Variants in RPS6KA5 observed in about 807,000 individuals in gnomAD.
RPS6KA5 encodes ribosomal protein S6 kinase alpha-5.
In RPS6KA5, 27 loss-of-function variants were observed where a neutral mutation model predicts 85.5. That is an observed-to-expected ratio of 0.32 (90% CI 0.23 to 0.44). RPS6KA5 has a LOEUF of 0.44. RPS6KA5 is among the 20% of genes least tolerant of loss of function. The pLI, the probability that RPS6KA5 is intolerant of heterozygous loss-of-function variation, is 1.00. For missense variants in RPS6KA5, 811 were observed against 980.9 expected, an observed-to-expected ratio of 0.83 and a Z score of 2.31; for synonymous variants, 334 against 348.2, an observed-to-expected ratio of 0.96 and a Z score of 0.46.
At position 90,853,451 on chromosome 14, in the gene RPS6KA5, A is replaced by G. The variant is rs2032109352; in HGVS notation, c.*18623T>C. 1 of 152,074 alleles carries G rather than the reference A, an allele frequency of 6.6e-6. No individual in the cohort carries two copies. The highest frequency in any genetic ancestry group is 1.5e-5 in the Non-Finnish European group (1 of 68,012). The allele number at this position is 152,074 out of a possible 1,614,324, so 9.4% of individuals were successfully genotyped here. ...TGATGTCTAGATAAAAGTCAACCAA[A>G]TAAATAAGATGCATCCCTTAAGTAA... On this transcript the variant is annotated 3_prime_UTR_variant, in exon 17 of 17. Coordinates refer to ENST00000614987, the MANE Select transcript of RPS6KA5 (RefSeq NM_004755.4).
chr14:91,020,084 AG>A (rs1231073019), intron 1 of RPS6KA5, among the ~76,000 whole-genome samples: 15 of 152,224 alleles, frequency 9.9e-5, no homozygotes, highest in Non-Finnish European at 1.6e-4. Flanking sequence ...AACATAGAAA[AG>A]TTACAGTAAC....
At chr14:90,927,006 G>C (rs1023498514) in intron 5 of RPS6KA5, among the ~76,000 whole-genome samples, 1 of 152,010 alleles carries the variant, frequency 6.6e-6, no homozygotes, top group Admixed American at 6.6e-5. Flanking sequence ...TAGCAGGTAG[G>C]ACTAAAATAC....
intron 1 of RPS6KA5, among the ~76,000 whole-genome samples, chr14:91,046,591 C>A (rs1357257461): frequency 6.6e-6 from 1 of 152,100 alleles, no homozygotes; most frequent in Non-Finnish European, 1.5e-5. Context: ...AATCTCACTT[C>A]AGATTATTAT....
chr14:91,001,274 G>T (rs1222908264), intron 1 of RPS6KA5, 115 bp from the exon 2 acceptor site: 10 of 632,418 alleles, frequency 1.6e-5, no homozygotes, highest in East Asian at 2.7e-5. Context: ...ATTAACCAGG[G>T]TTTGCTTTAT....
intron 9 of RPS6KA5, among the ~76,000 whole-genome samples, 155 bp from the exon 10 acceptor site, chr14:90,900,891 T>G (rs2035130341): frequency 6.6e-6 from 1 of 152,190 alleles, no homozygotes; most frequent in South Asian, 2.1e-4. Flanking sequence ...AAATGCAAGG[T>G]TATTTCAAAT....
rs202188158 is a variant in RPS6KA5, at chr14:90,902,195, A to AT, written c.1119+612dup. Among the ~76,000 whole-genome samples, 643 of 150,262 alleles carry AT rather than the reference A, an allele frequency of 4.3e-3. 5 individuals carry two copies. Among genetic ancestry groups the AT allele is most frequent in the African/African-American group, 0.015 (607 of 40,824 alleles). On this transcript the variant is annotated intron_variant, in intron 9 of 16. Coordinates refer to ENST00000614987, the MANE Select transcript of RPS6KA5 (RefSeq NM_004755.4). ...AGACCTTGTTTCTTAAAAAAAAAAA[A>AT]TTTTTTTGGCTGGACGTGGTGGCTC...
At chr14:91,056,582 C>CAATG (rs1443632036) in intron 1 of RPS6KA5, among the ~76,000 whole-genome samples, 2 of 152,160 alleles carry the variant, frequency 1.3e-5, no homozygotes, top group Non-Finnish European at 2.9e-5. Flanking sequence ...AAAATACAGA[C>CAATG]AATGCTAAGT....
chr14:90,926,694 T>TGTGG (rs913478036), intron 5 of RPS6KA5, among the ~76,000 whole-genome samples: 1 of 151,700 alleles, frequency 6.6e-6, no homozygotes, highest in African/African-American at 2.4e-5. Flanking sequence ...TGTGTGTGTG[T>TGTGG]GTACATATCT....
Position 90,872,130 on chromosome 14 carries a change from G to T in RPS6KA5, c.2353C>A (p.Pro785Thr), listed in dbSNP as rs1250607600. ...GTCTCCGGGTTATTGCTGTCGGCAG[G>T]ATTGCTGGGCTGCAGTGTCTTGGTG... ...TPTKTLQPSNPADSNNPETLF... is the reference protein window; with the variant it reads ...TPTKTLQPSNTADSNNPETLF... Residue 785 changes from proline to threonine, a missense_variant, in exon 17 of 17, where the codon CCT becomes ACT. By Grantham distance (38) the Pro-to-Thr change is conservative (BLOSUM62 -1). This residue lies in a region of RPS6KA5 where 650 missense variants were observed against 793.4 expected (regional missense o/e 0.82). Transcript: ENST00000614987. The T allele has an allele frequency of 6.2e-7, 1 of 1,613,942 alleles. No homozygotes were observed. Among genetic ancestry groups the T allele is most frequent in the Admixed American group, 1.7e-5 (1 of 59,992 alleles).
chr14:90,955,609 C>G lies in RPS6KA5; in HGVS notation c.395-8059G>C, dbSNP rs370558424. On this transcript the variant is annotated intron_variant, in intron 3 of 16. Coordinates refer to ENST00000614987, the MANE Select transcript of RPS6KA5 (RefSeq NM_004755.4). The stretch of plus-strand genomic sequence containing the variant: ...TTCTCATTCCATTGTGGAGAGGAAA[C>G]ATAATTTTTATGATTTTAATGTTTT... Among the ~76,000 whole-genome samples the G allele has an allele frequency of 2.8e-3, 424 of 149,012 alleles. 22 individuals carry two copies. In the South Asian group the frequency reaches 0.089, roughly 31 times the overall value.
At chr14:90,971,260 T>C (rs969734868) in intron 3 of RPS6KA5, among the ~76,000 whole-genome samples, 5 of 152,032 alleles carry the variant, frequency 3.3e-5, no homozygotes, top group Non-Finnish European at 5.9e-5. Context: ...GAGGTTGCAA[T>C]GAGCCGAGAT....
At chr14:91,029,607 T>C (rs1285713802) in intron 1 of RPS6KA5, among the ~76,000 whole-genome samples, 1 of 152,214 alleles carries the variant, frequency 6.6e-6, no homozygotes, top group Non-Finnish European at 1.5e-5. Context: ...TTAACCTCTG[T>C]GCCTCTCTGT....
intron 3 of RPS6KA5, among the ~76,000 whole-genome samples, chr14:90,956,960 TTC>T (rs2038547287): frequency 8.5e-6 from 1 of 117,924 alleles, no homozygotes; most frequent in East Asian, 3.0e-4. Flanking sequence ...CTTACTGTTT[TTC>T]TGTTTTTTTT....
chr14:90,944,268 G>A (rs10132759), intron 4 of RPS6KA5, among the ~76,000 whole-genome samples: 2,022 of 152,252 alleles, frequency 0.013, 56 homozygotes, highest in African/African-American at 0.046. Flanking sequence ...TCAATGCTAA[G>A]AATATGAGAA....
At chr14:91,019,436 A>G (rs531655453) in intron 1 of RPS6KA5, among the ~76,000 whole-genome samples, 1 of 152,286 alleles carries the variant, frequency 6.6e-6, no homozygotes, top group Non-Finnish European at 1.5e-5. Flanking sequence ...TTTATATGCA[A>G]CACTAGCTCT....
chr14:91,050,497 C>G (rs1335463014), intron 1 of RPS6KA5, among the ~76,000 whole-genome samples: 1 of 152,212 alleles, frequency 6.6e-6, no homozygotes, highest in Non-Finnish European at 1.5e-5. Flanking sequence ...GGCACAATCT[C>G]GGCTCACTGC....
At chr14:90,946,305 C>T (rs1018844722) in intron 4 of RPS6KA5, among the ~76,000 whole-genome samples, 1 of 25,452 alleles carries the variant, frequency 3.9e-5, no homozygotes, top group Non-Finnish European at 6.5e-5. Context: ...GCCCCTCAAC[C>T]CCCCCATTAC....
In RPS6KA5 at chr14:90,858,830, A is replaced by G. The variant is rs906755572; in HGVS notation, c.*13244T>C. 2 of 152,260 alleles carry G rather than the reference A, an allele frequency of 1.3e-5. No homozygotes were observed. Among genetic ancestry groups the G allele is most frequent in the African/African-American group, 2.4e-5 (1 of 41,468 alleles). 9.4% of individuals were successfully genotyped at this position (152,260 alleles called of 1,614,324 possible). On this transcript the variant is annotated 3_prime_UTR_variant, in exon 17 of 17. Coordinates refer to ENST00000614987, the MANE Select transcript of RPS6KA5 (RefSeq NM_004755.4). ...ATACCTAGCAGCAAGCAGTAATCCCACTTGGTTGAAGAGACAAAAGTTGGA... is the reference window on the plus strand; with the variant it reads ...ATACCTAGCAGCAAGCAGTAATCCCGCTTGGTTGAAGAGACAAAAGTTGGA...
Position 91,038,053 on chromosome 14 carries a change from G to C in RPS6KA5, c.103+22279C>G, listed in dbSNP as rs568745925. On this transcript the variant is annotated intron_variant, in intron 1 of 16. Transcript: ENST00000614987. ...GCTTAAGGAGAACAAGTATCACCTT[G>C]TAAGAAATCCATCTCTATGTGATCT... 3.3e-5 allele frequency among the ~76,000 whole-genome samples: 5 copies of C among 152,332 alleles called. No homozygotes were observed. The East Asian group carries it at 9.6e-4, about 29-fold the overall frequency.
Sources: allele counts gnomAD v4.1 joint callset (sites outside exome capture counted in the v4.1 genomes callset), GRCh38; gene constraint gnomAD v4.1.1; regional missense constraint gnomAD v4.1.1; transcripts MANE v1.5; gene names NCBI Gene and HGNC (gene_info 2026-07-23, HGNC 2026-07-21).